LRRC37A2: variants seen among roughly 807,000 people sequenced by gnomAD.
The protein encoded by LRRC37A2 is leucine rich repeat containing 37 member A2.
Under a neutral mutation model 68.8 loss-of-function variants are expected in LRRC37A2, and 9 were observed. That is an observed-to-expected ratio of 0.13 (90% CI 0.08 to 0.23). The LOEUF is 0.23. Ranked by LOEUF, LRRC37A2 falls within the 10% of genes least tolerant of loss-of-function variation. The pLI is 1.00. For synonymous variants in LRRC37A2, 63 were observed against 367.6 expected (o/e 0.17, Z 9.48); for missense variants, 168 against 950.4 (o/e 0.18, Z 10.82).
chr17:46,891,631 C>T, the LRRC37A2 span, among the ~76,000 whole-genome samples: 1 of 152,156 alleles, frequency 6.6e-6, no homozygotes, highest in Non-Finnish European at 1.5e-5. Flanking sequence ...CTGTACGGAA[C>T]ACCAGGGAGA....
the LRRC37A2 span, among the ~76,000 whole-genome samples, chr17:47,004,935 A>G: frequency 2.6e-5 from 4 of 152,206 alleles, no homozygotes; most frequent in Non-Finnish European, 5.9e-5. Context: ...TTACTGAAGG[A>G]GTCTCTTGGT....
At chr17:46,867,851 TG>T in the LRRC37A2 span, among the ~76,000 whole-genome samples, 1 of 151,916 alleles carries the variant, frequency 6.6e-6, no homozygotes, top group Non-Finnish European at 1.5e-5. Context: ...GTCAAGTGGT[TG>T]GGGGTGTCCT....
chr17:46,924,096 C>T, the LRRC37A2 span, among the ~76,000 whole-genome samples: 11 of 152,208 alleles, frequency 7.2e-5, no homozygotes, highest in Admixed American at 1.3e-4. Flanking sequence ...TTCATCATCC[C>T]AGTGTGCCTG....
At chr17:46,964,246 A>G in the LRRC37A2 span, 1 of 152,206 alleles carries the variant, frequency 6.6e-6, no homozygotes, top group Non-Finnish European at 1.5e-5. Flanking sequence ...GCTTCATCAA[A>G]AACCCACTGA....
At chr17:46,543,481 G>A (rs1237453363) in intron 8 of LRRC37A2, among the ~76,000 whole-genome samples, 3 of 150,960 alleles carry the variant, frequency 2.0e-5, no homozygotes, top group Admixed American at 6.6e-5. Flanking sequence ...TGGGACAATT[G>A]TGAAAATGTG....
At chr17:46,786,720 A>T in the LRRC37A2 span, among the ~76,000 whole-genome samples, 1 of 152,192 alleles carries the variant, frequency 6.6e-6, no homozygotes, top group Non-Finnish European at 1.5e-5. Context: ...GTTACTGAGG[A>T]TGTCATCAAG....
At chr17:46,876,187 A>G in the LRRC37A2 span, 1 of 1,486,324 alleles carries the variant, frequency 6.7e-7, no homozygotes, top group African/African-American at 1.4e-5. Context: ...CTCTGGGGGC[A>G]GGCTCTGGCT....
At chr17:47,009,619 A>G in the LRRC37A2 span, among the ~76,000 whole-genome samples, 3 of 152,210 alleles carry the variant, frequency 2.0e-5, no homozygotes, top group African/African-American at 7.2e-5. Context: ...GCATTCATTC[A>G]GGTCCCTGAA....
chr17:46,944,860 A>G, the LRRC37A2 span, among the ~76,000 whole-genome samples: 1 of 152,128 alleles, frequency 6.6e-6, no homozygotes, highest in East Asian at 1.9e-4. Flanking sequence ...TCGGCCTCCC[A>G]AAGTGCTGGG....
the LRRC37A2 span, chr17:46,967,003 T>G: frequency 4.0e-6 from 1 of 249,706 alleles, no homozygotes; most frequent in African/African-American, 2.2e-5. Context: ...TTCTGTGATG[T>G]GTGAAGTCCC....
At chr17:46,780,507 G>A in the LRRC37A2 span, among the ~76,000 whole-genome samples, 3 of 152,078 alleles carry the variant, frequency 2.0e-5, no homozygotes, top group Non-Finnish European at 2.9e-5. Context: ...TGGGGACTCT[G>A]CCCAGGTGCG....
At chr17:46,737,727 A>G in the LRRC37A2 span, among the ~76,000 whole-genome samples, 1 of 151,938 alleles carries the variant, frequency 6.6e-6, no homozygotes, top group Non-Finnish European at 1.5e-5. Context: ...AACATAAAGG[A>G]AAGTGTGGTC....
At chr17:46,738,792 T>G in the LRRC37A2 span, among the ~76,000 whole-genome samples, 1 of 152,260 alleles carries the variant, frequency 6.6e-6, no homozygotes. Flanking sequence ...ATTCATGAGC[T>G]GTTCATACAG....
chr17:46,805,103 A>G, the LRRC37A2 span, among the ~76,000 whole-genome samples: 1 of 152,090 alleles, frequency 6.6e-6, no homozygotes, highest in African/African-American at 2.4e-5. Flanking sequence ...CCACGAACCC[A>G]CTGGAAGGAA....
At chr17:46,876,769 C>G in the LRRC37A2 span, 28 of 1,489,454 alleles carry the variant, frequency 1.9e-5, no homozygotes, top group Non-Finnish European at 2.4e-5. Flanking sequence ...CCTGTGGCAC[C>G]CTTCAAGCTG....
the LRRC37A2 span, among the ~76,000 whole-genome samples, chr17:46,428,925 CAAA>C: frequency 8.2e-3 from 55 of 6,732 alleles, no homozygotes; most frequent in South Asian, 0.029. Flanking sequence ...GACTCCATCT[CAAA>C]AAAAAAAAAA....
At chr17:46,953,026 TTTA>T in the LRRC37A2 span, among the ~76,000 whole-genome samples, 67 of 152,092 alleles carry the variant, frequency 4.4e-4, no homozygotes, top group Admixed American at 9.2e-4. Context: ...GTTTTTAAAT[TTTA>T]TTATTATTTT....
At chr17:46,794,843 CA>C in the LRRC37A2 span, among the ~76,000 whole-genome samples, 5 of 151,146 alleles carry the variant, frequency 3.3e-5, no homozygotes, top group Non-Finnish European at 5.9e-5. Context: ...CTGCACCTCC[CA>C]GGTTCAAGTG....
chr17:46,924,624 A>G, the LRRC37A2 span, among the ~76,000 whole-genome samples: 1 of 152,188 alleles, frequency 6.6e-6, no homozygotes, highest in South Asian at 2.1e-4. Context: ...TTCTAAGTTT[A>G]TGGGTTTCTT....
Sources: gnomAD v4.1 joint callset for allele counts (sites outside exome capture counted in the v4.1 genomes callset) on GRCh38, gnomAD v4.1.1 for gene constraint, MANE v1.5 for transcripts, NCBI Gene and HGNC (gene_info 2026-07-23, HGNC 2026-07-21) for gene names.